SKP2: variants seen among roughly 807,000 people sequenced by gnomAD.
SKP2 encodes S-phase kinase-associated protein 2.
SKP2 carries 16 observed loss-of-function variants against 51.8 expected under a neutral mutation model. The ratio of observed to expected loss-of-function variants is 0.31; its 90% CI spans 0.21 to 0.47. The LOEUF (loss-of-function observed/expected upper bound fraction) is 0.47. SKP2 is among the 20% of genes least tolerant of loss of function. SKP2 has a pLI of 1.00. For missense variants in SKP2, 377 were observed against 505.3 expected, an observed-to-expected ratio of 0.75 and a Z score of 2.43; for synonymous variants, 176 against 198.6, an observed-to-expected ratio of 0.89 and a Z score of 0.96.
chr5:36,154,223 G>A (rs950449795), intron 2 of SKP2, among the ~76,000 whole-genome samples: 1 of 152,074 alleles, frequency 6.6e-6, no homozygotes, highest in Non-Finnish European at 1.5e-5. Context: ...AGCCTCAATT[G>A]GACAGTGACC....
intron 2 of SKP2, among the ~76,000 whole-genome samples, chr5:36,157,725 A>G (rs1397033330): frequency 6.6e-6 from 1 of 152,248 alleles, no homozygotes; most frequent in African/African-American, 2.4e-5. Context: ...CATTTCTGCA[A>G]GTATAATCTG....
chr5:36,185,285 T>G (rs565493266), downstream of SKP2, among the ~76,000 whole-genome samples: 353 of 152,348 alleles, frequency 2.3e-3, 5 homozygotes, highest in Non-Finnish European at 3.6e-3. Flanking sequence ...TTGTCAATTT[T>G]AGCTTTTGTT....
At chr5:36,160,656 G>A (rs1341065137) in intron 2 of SKP2, among the ~76,000 whole-genome samples, 1 of 152,190 alleles carries the variant, frequency 6.6e-6, no homozygotes, top group East Asian at 1.9e-4. Context: ...ATATGTAAGA[G>A]GCAGCAGAGG....
At chr5:36,163,592 G>A in intron 2 of SKP2, 53 bp from the exon 3 acceptor site, 1 of 1,098,340 alleles carries the variant, frequency 9.1e-7, no homozygotes, top group Non-Finnish European at 1.4e-6. Context: ...AGACTCAGTA[G>A]ACTTGATAGG....
intron 1 of SKP2, 86 bp from the exon 2 acceptor site, chr5:36,152,685 G>A: frequency 7.1e-7 from 1 of 1,401,246 alleles, no homozygotes; most frequent in Non-Finnish European, 9.8e-7. Context: ...TTCCTACAAT[G>A]CATAAACTGC....
At chr5:36,166,172 ATAAT>A (rs1301737140) in intron 3 of SKP2, among the ~76,000 whole-genome samples, 8 of 152,226 alleles carry the variant, frequency 5.3e-5, no homozygotes, top group Non-Finnish European at 8.8e-5. Flanking sequence ...TAGTAATATA[ATAAT>A]TAATTGATTT....
intron 6 of SKP2, among the ~76,000 whole-genome samples, chr5:36,190,004 T>C (rs1443651421): frequency 6.6e-6 from 1 of 152,194 alleles, no homozygotes; most frequent in African/African-American, 2.4e-5. Context: ...TCCATGGGCA[T>C]GGGACCCTCT....
In SKP2 at chr5:36,166,669, A is replaced by G; in HGVS notation, c.536+7A>G. The G allele has an allele frequency of 1.2e-6, 2 of 1,611,844 alleles. No individual in the cohort carries two copies. Among genetic ancestry groups the G allele is most frequent in the Non-Finnish European group, 1.7e-6 (2 of 1,178,480 alleles). Reference sequence around the variant, plus strand: ...CATTGGCTGAACATTTCAGGTAAAGATGAAAAATCCCTGGAAAAGACTATT... The same window carrying G: ...CATTGGCTGAACATTTCAGGTAAAGGTGAAAAATCCCTGGAAAAGACTATT... On this transcript the variant is annotated splice_region_variant and intron_variant, in intron 4 of 9. Coordinates refer to ENST00000274255, the MANE Select transcript of SKP2 (RefSeq NM_005983.4).
At chr5:36,169,610 G>A (rs1283707723) in intron 5 of SKP2, among the ~76,000 whole-genome samples, 1 of 152,218 alleles carries the variant, frequency 6.6e-6, no homozygotes, top group Non-Finnish European at 1.5e-5. Context: ...GTTCGTTCAA[G>A]TGAGAAAAGG....
chr5:36,191,940 CTA>C (rs1253131725), intron 6 of SKP2, among the ~76,000 whole-genome samples: 1 of 152,148 alleles, frequency 6.6e-6, no homozygotes, highest in Non-Finnish European at 1.5e-5. Flanking sequence ...CTTTGAGTTA[CTA>C]TGTTTTAGCA....
rs534726684 is a variant in SKP2 at position 36,152,127 on chromosome 5, T to A, written c.-136T>A. The A allele has an allele frequency of 1.1e-6, 1 of 884,104 alleles. No homozygotes were observed. The highest frequency in any genetic ancestry group is 2.4e-5 in the East Asian group (1 of 41,212). 54.8% of individuals were successfully genotyped at this position (884,104 alleles called of 1,614,324 possible). On this transcript the variant is annotated 5_prime_UTR_variant, in exon 1 of 10. Coordinates refer to ENST00000274255, the MANE Select transcript of SKP2 (RefSeq NM_005983.4). ...TGCGCGCGCAGTGGGGATGGAACGT[T>A]GCTAGGCTTAGCGGGTCTGGCTGCT... is the stretch of plus-strand genomic sequence containing the variant.
chr5:36,162,327 G>C (rs577683324), intron 2 of SKP2, among the ~76,000 whole-genome samples: 1 of 152,124 alleles, frequency 6.6e-6, no homozygotes, highest in African/African-American at 2.4e-5. Context: ...TCTAGAACAC[G>C]TACACCAGAT....
At chr5:36,163,149 C>G (rs1745177723) in intron 2 of SKP2, among the ~76,000 whole-genome samples, 1 of 152,136 alleles carries the variant, frequency 6.6e-6, no homozygotes, top group Admixed American at 6.5e-5. Context: ...ATTTATTTGC[C>G]TTTTAAATAA....
intron 9 of SKP2, chr5:36,180,268 T>C: frequency 7.4e-7 from 1 of 1,347,620 alleles, no homozygotes; most frequent in Non-Finnish European, 9.8e-7. Flanking sequence ...GGATTCAAAG[T>C]TGGAGCTGGA....
intron 2 of SKP2, among the ~76,000 whole-genome samples, chr5:36,156,801 A>G (rs1744963269): frequency 6.6e-6 from 1 of 152,178 alleles, no homozygotes; most frequent in South Asian, 2.1e-4. Context: ...TTTACTGTAT[A>G]TCAGAATCCC....
intron 2 of SKP2, among the ~76,000 whole-genome samples, chr5:36,154,694 A>G (rs1561530266): frequency 2.0e-5 from 3 of 151,976 alleles, no homozygotes; most frequent in African/African-American, 7.3e-5. Context: ...ACGCCCAGCA[A>G]TTTTTTTATT....
At position 36,183,900 on chromosome 5, in the gene SKP2, A is replaced by AT; in HGVS notation, c.*1870dup. On this transcript the variant is annotated 3_prime_UTR_variant, in exon 10 of 10. Coordinates refer to ENST00000274255, the MANE Select transcript of SKP2 (RefSeq NM_005983.4). ...ACTCTGACATCGGATGCCCTCAAACATACAGAACTTCCAAACTCAAGTCCA... is the reference window on the plus strand; with the variant it reads ...ACTCTGACATCGGATGCCCTCAAACATTACAGAACTTCCAAACTCAAGTCCA... The AT allele has an allele frequency of 6.2e-7, 1 of 1,611,406 alleles. No individual in the cohort carries two copies. The highest frequency in any genetic ancestry group is 2.2e-5 in the East Asian group (1 of 44,840).
At chr5:36,153,213 GA>G (rs1744808765) in intron 2 of SKP2, among the ~76,000 whole-genome samples, 171 bp downstream of exon 2, 1 of 147,562 alleles carries the variant, frequency 6.8e-6, no homozygotes, top group Non-Finnish European at 1.5e-5. Flanking sequence ...AATCTTGGTA[GA>G]TATATATATA....
chr5:36,190,034 A>C (rs988798717), intron 6 of SKP2, among the ~76,000 whole-genome samples: 1 of 152,132 alleles, frequency 6.6e-6, no homozygotes, highest in Non-Finnish European at 1.5e-5. Flanking sequence ...GCGGGATATA[A>C]TCTCCTGGTG....
Sources: gnomAD v4.1 joint callset for allele counts (sites outside exome capture counted in the v4.1 genomes callset) on GRCh38, gnomAD v4.1.1 for gene constraint, MANE v1.5 for transcripts, NCBI Gene and HGNC (gene_info 2026-07-23, HGNC 2026-07-21) for gene names.